Variants in PDCD6 observed in about 807,000 individuals in gnomAD.
PDCD6 encodes the protein programmed cell death protein 6.
PDCD6 carries 12 observed loss-of-function variants against 28.3 expected under a neutral mutation model. The ratio of observed to expected loss-of-function variants is 0.42; its 90% CI spans 0.27 to 0.69. The LOEUF (loss-of-function observed/expected upper bound fraction) is 0.69, where lower values mean the gene tolerates loss of function less well. Ranked by LOEUF, PDCD6 falls within the 30% of genes least tolerant of loss-of-function variation. PDCD6 has a pLI of 0.22. For missense variants in PDCD6, 226 were observed against 269.9 expected (o/e 0.84, Z 1.14); for synonymous variants, 92 against 108.0 (o/e 0.85, Z 0.92).
intron 2 of PDCD6, among the ~76,000 whole-genome samples, chr5:294,116 G>A (rs1332373823): frequency 6.6e-6 from 1 of 151,194 alleles, no homozygotes; most frequent in African/African-American, 2.5e-5. Context: ...AAAAACACAG[G>A]AAAATTTGTA....
chr5:297,148 C>A (rs1378068113), intron 2 of PDCD6, among the ~76,000 whole-genome samples: 1 of 152,072 alleles, frequency 6.6e-6, no homozygotes, highest in Non-Finnish European at 1.5e-5. Context: ...CAGCTTCTCC[C>A]CACGCATCCC....
chr5:290,672 A>G (rs1739262224), intron 2 of PDCD6, among the ~76,000 whole-genome samples: 1 of 152,254 alleles, frequency 6.6e-6, no homozygotes, highest in African/African-American at 2.4e-5. Context: ...CGGCGCTGAT[A>G]CTGCTATTCT....
chr5:302,088 GTGTGTGTGTGT>G (rs1740101374), intron 2 of PDCD6, among the ~76,000 whole-genome samples: 1 of 133,332 alleles, frequency 7.5e-6, no homozygotes, highest in African/African-American at 2.9e-5. Context: ...GTGTGTGTGT[GTGTGTGTGTGT>G]GTGTGTGTGC....
At chr5:284,787 C>G (rs563961370) in intron 2 of PDCD6, among the ~76,000 whole-genome samples, 2 of 150,338 alleles carry the variant, frequency 1.3e-5, no homozygotes, top group Non-Finnish European at 3.0e-5. Flanking sequence ...GGCCGGGGAG[C>G]TGATGTACCA....
At chr5:279,149 A>C (rs1738404611) in intron 2 of PDCD6, among the ~76,000 whole-genome samples, 1 of 152,110 alleles carries the variant, frequency 6.6e-6, no homozygotes, top group African/African-American at 2.4e-5. Flanking sequence ...GGACACAGAG[A>C]CTGACATTTC....
chr5:312,820 G>A (rs1247329671), intron 5 of PDCD6, among the ~76,000 whole-genome samples: 1 of 152,118 alleles, frequency 6.6e-6, no homozygotes, highest in Non-Finnish European at 1.5e-5. Flanking sequence ...AAAAAAGAAA[G>A]AAAAGAAAAA....
At chr5:300,733 G>A (rs1430306016) in intron 2 of PDCD6, among the ~76,000 whole-genome samples, 4 of 152,226 alleles carry the variant, frequency 2.6e-5, no homozygotes, top group African/African-American at 4.8e-5. Context: ...GCCAGACCCC[G>A]CTGTGGTTGG....
At chr5:289,170 A>C in intron 2 of PDCD6, 2 of 966,126 alleles carry the variant, frequency 2.1e-6, no homozygotes, top group South Asian at 1.8e-5. Context: ...AAATAAGCAA[A>C]TGTTGTTGTA....
chr5:296,318 C>T (rs1739606671), intron 2 of PDCD6, among the ~76,000 whole-genome samples: 1 of 152,268 alleles, frequency 6.6e-6, no homozygotes, highest in South Asian at 2.1e-4. Flanking sequence ...ACACCCACAC[C>T]TCCCCACTTC....
At chr5:301,534 GA>G (rs1393051884) in intron 2 of PDCD6, among the ~76,000 whole-genome samples, 1 of 152,250 alleles carries the variant, frequency 6.6e-6, no homozygotes, top group African/African-American at 2.4e-5. Flanking sequence ...AAAGCCTACA[GA>G]AAGGTAATCC....
chr5:282,245 AATTTAAGG>A (rs1738615262), intron 2 of PDCD6, among the ~76,000 whole-genome samples: 2 of 121,952 alleles, frequency 1.6e-5, no homozygotes, highest in African/African-American at 6.7e-5. Context: ...CTGATGTTCT[AATTTAAGG>A]GTGGTGCAGC....
intron 2 of PDCD6, among the ~76,000 whole-genome samples, chr5:278,234 A>G (rs1579480748): frequency 1.3e-5 from 2 of 152,294 alleles, no homozygotes; most frequent in East Asian, 3.9e-4. Flanking sequence ...TCATTTATTT[A>G]TCTATTAAAA....
chr5:307,078 G>A lies in PDCD6; in HGVS notation c.367+318G>A, dbSNP rs1740546883. 6.6e-6 allele frequency among the ~76,000 whole-genome samples: 1 copy of A among 152,188 alleles called. No homozygotes were observed. The highest frequency in any genetic ancestry group is 6.5e-5 in the Admixed American group (1 of 15,282). ...TTAAAAGTGGATCCATGAAAATACCGTGGGGCAGGGCAGCTTATATTTCAT... is the reference window on the plus strand; with the variant it reads ...TTAAAAGTGGATCCATGAAAATACCATGGGGCAGGGCAGCTTATATTTCAT... On this transcript the variant is annotated intron_variant, in intron 4 of 5. Coordinates refer to ENST00000264933, the MANE Select transcript of PDCD6 (RefSeq NM_013232.4). The surrounding 1 kb of genome is among the most constrained non-coding windows in gnomAD (Gnocchi z 6.1).
rs184272201 is a variant in PDCD6, at chr5:287,148, C to T, written c.163+14376C>T. Among the ~76,000 whole-genome samples the T allele has an allele frequency of 7.9e-5, 12 of 151,906 alleles. No homozygotes were observed. The East Asian group carries it at 1.2e-3, about 15-fold the overall frequency. ...AAGTCTGAGGGTCTCAGAGCTGGAGCGCCCGGGAGGAGTAGGTACTGCCAC... is the reference window on the plus strand; with the variant it reads ...AAGTCTGAGGGTCTCAGAGCTGGAGTGCCCGGGAGGAGTAGGTACTGCCAC... On this transcript the variant is annotated intron_variant, in intron 2 of 5. Coordinates refer to ENST00000264933, the MANE Select transcript of PDCD6 (RefSeq NM_013232.4).
intron 2 of PDCD6, among the ~76,000 whole-genome samples, chr5:280,193 G>A (rs1738478620): frequency 6.6e-6 from 1 of 151,944 alleles, no homozygotes; most frequent in African/African-American, 2.4e-5. Context: ...AGAGGAGGAT[G>A]CAGAGCCCGG....
chr5:273,875 A>G (rs1254216293), intron 2 of PDCD6, among the ~76,000 whole-genome samples: 1 of 151,750 alleles, frequency 6.6e-6, no homozygotes, highest in Non-Finnish European at 1.5e-5. Flanking sequence ...AAATGCTGTT[A>G]TCTCTACACT....
intron 2 of PDCD6, among the ~76,000 whole-genome samples, chr5:287,678 TTTC>T (rs893948946): frequency 3.3e-5 from 5 of 152,232 alleles, no homozygotes; most frequent in African/African-American, 1.2e-4. Flanking sequence ...AGTTACTTTT[TTTC>T]TTCATGTTCA....
intron 5 of PDCD6, among the ~76,000 whole-genome samples, 178 bp from the exon 6 acceptor site, chr5:314,239 G>T (rs181465875): frequency 1.3e-5 from 2 of 152,142 alleles, no homozygotes; most frequent in Non-Finnish European, 2.9e-5. Flanking sequence ...TTCGTTCTTC[G>T]CACTCCCACC....
chr5:314,082 G>T (rs895091143), intron 5 of PDCD6, among the ~76,000 whole-genome samples: 6 of 152,196 alleles, frequency 3.9e-5, no homozygotes, highest in African/African-American at 1.4e-4. Context: ...ACTGGAGGGT[G>T]GAGGGCTTCC....
Sources: allele counts gnomAD v4.1 joint callset (sites outside exome capture counted in the v4.1 genomes callset), GRCh38; gene constraint gnomAD v4.1.1; non-coding constraint Gnocchi (gnomAD v3.1); transcripts MANE v1.5; gene names NCBI Gene and HGNC (gene_info 2026-07-23, HGNC 2026-07-21).